TOLLIP: variants seen among roughly 807,000 people sequenced by gnomAD.
The protein encoded by TOLLIP is toll-interacting protein.
A neutral mutation model predicts 33.5 loss-of-function variants in TOLLIP; 16 were observed. The observed-to-expected ratio is 0.48, with a 90% CI of 0.32 to 0.72. TOLLIP has a LOEUF of 0.72. Among genes scored for constraint, TOLLIP ranks in the 30% least tolerant of loss-of-function variants. The pLI, the probability that TOLLIP is intolerant of heterozygous loss-of-function variation, is 0.03. For synonymous variants in TOLLIP, 176 were observed against 163.7 expected, an observed-to-expected ratio of 1.07 and a Z score of -0.57; for missense variants, 325 against 396.6, an observed-to-expected ratio of 0.82 and a Z score of 1.53.
Position 1,276,946 on chromosome 11 carries a change from T to C in TOLLIP, c.*93A>G. 1 of 1,582,280 alleles carries C rather than the reference T, an allele frequency of 6.3e-7. No homozygotes were observed. ...ACGGGAGGGGGCGACACGGGTGCTC[T>C]TTCACGGGAATCTTGTTGGGACAGC... is the stretch of plus-strand genomic sequence containing the variant. On this transcript the variant is annotated 3_prime_UTR_variant, in exon 6 of 6. Coordinates refer to ENST00000317204, the MANE Select transcript of TOLLIP (RefSeq NM_019009.4).
At chr11:1,292,275 G>A (rs928364417) in intron 2 of TOLLIP, 15 of 152,250 alleles carry the variant, frequency 9.9e-5, no homozygotes, top group Admixed American at 6.5e-4. Context: ...TAGCAGGAAA[G>A]TCTGAGACCA....
chr11:1,302,325 C>T (rs904093276), intron 1 of TOLLIP, among the ~76,000 whole-genome samples: 3 of 152,314 alleles, frequency 2.0e-5, no homozygotes, highest in South Asian at 4.1e-4. Flanking sequence ...GCTGACTGAC[C>T]CCTCAGTGCG....
chr11:1,308,891 A>G (rs1331429742), intron 1 of TOLLIP, among the ~76,000 whole-genome samples: 1 of 150,218 alleles, frequency 6.7e-6, no homozygotes, highest in African/African-American at 2.5e-5. Flanking sequence ...TGGGGGGGCC[A>G]TCAGGGTGCG....
In TOLLIP at chr11:1,278,299, T is replaced by C. The variant is rs1343208989; in HGVS notation, c.611-1046A>G. Among the ~76,000 whole-genome samples, 1 of 152,094 alleles carries C rather than the reference T, an allele frequency of 6.6e-6. No individual in the cohort carries two copies. Among genetic ancestry groups the C allele is most frequent in the Non-Finnish European group, 1.5e-5 (1 of 68,008 alleles). On this transcript the variant is annotated intron_variant, in intron 5 of 5. Coordinates refer to ENST00000317204, the MANE Select transcript of TOLLIP (RefSeq NM_019009.4). This position sits in a 1 kb window ranked among gnomAD's most constrained non-coding sequence, Gnocchi z 4.7. Reference sequence around the variant, plus strand: ...CAGCTGCAGCAGTGCAAGGGTTCACTGCTCACCCGTTCATTCACCTTTAAA... The same window carrying C: ...CAGCTGCAGCAGTGCAAGGGTTCACCGCTCACCCGTTCATTCACCTTTAAA...
intron 1 of TOLLIP, among the ~76,000 whole-genome samples, chr11:1,301,757 T>C (rs1404681838): frequency 6.6e-6 from 1 of 152,146 alleles, no homozygotes; most frequent in Non-Finnish European, 1.5e-5. Context: ...ATGGCCATGA[T>C]TCAACGTGAC....
chr11:1,302,460 T>C, intron 1 of TOLLIP: 1 of 577,832 alleles, frequency 1.7e-6, no homozygotes, highest in Non-Finnish European at 2.2e-6. Flanking sequence ...GCCATTGCCC[T>C]GTAAGTTTAG....
rs544649082 is a variant in TOLLIP at position 1,276,319 on chromosome 11, C to T, written c.*720G>A. ...GAGACGGACGGCAGCCTCCGGCGGGCGAAGGACCCGGCTTCAGATGCCCGC... is the reference window on the plus strand; with the variant it reads ...GAGACGGACGGCAGCCTCCGGCGGGTGAAGGACCCGGCTTCAGATGCCCGC... On this transcript the variant is annotated 3_prime_UTR_variant, in exon 6 of 6. Coordinates refer to ENST00000317204, the MANE Select transcript of TOLLIP (RefSeq NM_019009.4). The T allele has an allele frequency of 3.6e-5, 8 of 219,842 alleles. No homozygotes were observed. Among genetic ancestry groups the T allele is most frequent in the South Asian group, 6.8e-5 (1 of 14,798 alleles). 13.6% of individuals were successfully genotyped at this position (219,842 alleles called of 1,614,324 possible). A position where few individuals can be genotyped will look rare whatever the true frequency, so the allele number is the denominator to read the frequency against.
intron 2 of TOLLIP, among the ~76,000 whole-genome samples, chr11:1,293,333 GT>G (rs1022836958): frequency 6.6e-6 from 1 of 152,240 alleles, no homozygotes; most frequent in African/African-American, 2.4e-5. Flanking sequence ...GTGGAGCTGA[GT>G]GGTCGGCTCA....
In TOLLIP at chr11:1,309,541, G is replaced by GCGCCGGGCGACCTCCTGCGCCCC. The variant is rs751227418; in HGVS notation, c.-66_-44dup. The GCGCCGGGCGACCTCCTGCGCCCC allele has an allele frequency of 8.0e-7, 1 of 1,251,634 alleles. No homozygotes were observed. The highest frequency in any genetic ancestry group is 2.2e-5 in the South Asian group (1 of 44,522). The allele number at this position is 1,251,634 out of a possible 1,614,324, so 77.5% of individuals were successfully genotyped here. A position where few individuals can be genotyped will look rare whatever the true frequency, so the allele number is the denominator to read the frequency against. On this transcript the variant is annotated 5_prime_UTR_variant, in exon 1 of 6. Transcript: ENST00000317204. The stretch of plus-strand genomic sequence containing the variant: ...CGTGGCTCGCCGACCCGACAGTGAC[G>GCGCCGGGCGACCTCCTGCGCCCC]CGCCGGGCGACCTCCTGCGCCCCCG...
chr11:1,285,325 C>T (rs1030301066), intron 5 of TOLLIP, among the ~76,000 whole-genome samples: 1 of 152,248 alleles, frequency 6.6e-6, no homozygotes, highest in African/African-American at 2.4e-5. Flanking sequence ...CCACAGGCTC[C>T]CCCCTAGCAC....
intron 2 of TOLLIP, 128 bp downstream of exon 2, chr11:1,295,517 C>T: frequency 1.6e-6 from 2 of 1,220,344 alleles, no homozygotes; most frequent in Non-Finnish European, 2.3e-6. Flanking sequence ...ACACAGGTTT[C>T]AGGAAAAGCG....
chr11:1,277,239 A>G lies in TOLLIP; in HGVS notation c.625T>C (p.Cys209Arg). The change falls in exon 6 of 6, where the codon TGT becomes CGT. Residue 209 changes from cysteine to arginine, a missense_variant. Transcript: ENST00000317204. The surrounding 1 kb of genome is among the most constrained non-coding windows in gnomAD (Gnocchi z 4.2). ...GCCACGGGCACCATGCCGGGGCTAC[A>G]GACAGCGGGCATCCCTGGAAGCAAA... Reference protein sequence around the residue: ...YVPITGMPAVCSPGMVPVALP... With the variant: ...YVPITGMPAVRSPGMVPVALP... The G allele has an allele frequency of 6.4e-7, 1 of 1,563,210 alleles. No homozygotes were observed. The highest frequency in any genetic ancestry group is 1.4e-5 in the African/African-American group (1 of 73,500).
intron 4 of TOLLIP, among the ~76,000 whole-genome samples, chr11:1,288,074 A>C (rs1237102520): frequency 6.6e-6 from 1 of 152,086 alleles, no homozygotes; most frequent in Non-Finnish European, 1.5e-5. Flanking sequence ...AGGTGCCCTG[A>C]GAATGGAGAT....
chr11:1,287,051 A>G (rs946827476), intron 4 of TOLLIP, among the ~76,000 whole-genome samples: 16 of 151,842 alleles, frequency 1.1e-4, no homozygotes, highest in African/African-American at 3.6e-4. Flanking sequence ...CTCTGAGTTC[A>G]AAACTGTCAG....
intron 1 of TOLLIP, among the ~76,000 whole-genome samples, chr11:1,308,800 C>T (rs1314175823): frequency 3.9e-5 from 6 of 152,288 alleles, no homozygotes; most frequent in African/African-American, 1.4e-4. Flanking sequence ...AAAGAGGAAA[C>T]AGCCATCATC....
intron 4 of TOLLIP, among the ~76,000 whole-genome samples, 196 bp from the exon 5 acceptor site, chr11:1,286,288 C>CTCCT: frequency 6.6e-6 from 1 of 152,356 alleles, no homozygotes; most frequent in South Asian, 2.1e-4. Flanking sequence ...CCTGCACCAC[C>CTCCT]TCCTCAAATC....
chr11:1,285,686 T>C (rs1590211345), intron 5 of TOLLIP, among the ~76,000 whole-genome samples: 1 of 151,684 alleles, frequency 6.6e-6, no homozygotes, highest in East Asian at 1.9e-4. Context: ...GAGGTTCTCC[T>C]GCACAGAGCT....
intron 4 of TOLLIP, 105 bp downstream of exon 4, chr11:1,288,519 C>T (rs1451932085): frequency 7.3e-7 from 1 of 1,377,754 alleles, no homozygotes; most frequent in Admixed American, 2.2e-5. Context: ...GTTTTATGGG[C>T]TCAGTGCCTC....
At chr11:1,282,209 G>A (rs1863524905) in intron 5 of TOLLIP, among the ~76,000 whole-genome samples, 1 of 152,330 alleles carries the variant, frequency 6.6e-6, no homozygotes, top group South Asian at 2.1e-4. Flanking sequence ...AAGCAGGGAG[G>A]GGCCCAGAGA....
Sources: gnomAD v4.1 joint callset for allele counts (sites outside exome capture counted in the v4.1 genomes callset) on GRCh38, gnomAD v4.1.1 for gene constraint, Gnocchi (gnomAD v3.1) non-coding constraint, MANE v1.5 for transcripts, NCBI Gene and HGNC (gene_info 2026-07-23, HGNC 2026-07-21) for gene names.